The following EOGT variants were observed in gnomAD, a reference collection of about 807,000 sequenced individuals.
The protein encoded by EOGT is EGF domain specific O-linked N-acetylglucosamine transferase, also known as EGF domain-specific O-linked N-acetylglucosamine transferase.
In EOGT, 55 loss-of-function variants were observed where a neutral mutation model predicts 70.5. The observed-to-expected ratio is 0.78, with a 90% confidence interval of 0.63 to 0.98. EOGT has a LOEUF of 0.98. Among genes scored for constraint, EOGT ranks in the 50% least tolerant of loss-of-function variants. The pLI, the probability that EOGT is intolerant of heterozygous loss-of-function variation, is 0.00. For missense variants in EOGT, 703 were observed against 641.9 expected (o/e 1.10, Z -1.03); for synonymous variants, 246 against 217.1 (o/e 1.13, Z -1.17).
intron 16 of EOGT, among the ~76,000 whole-genome samples, chr3:68,978,975 G>A (rs968712601): frequency 5.3e-5 from 8 of 152,004 alleles, no homozygotes; most frequent in Admixed American, 6.5e-5. Flanking sequence ...TGTTTTGCAG[G>A]GCATTGGAAG....
chr3:68,981,472 A>C (rs1440103053), intron 15 of EOGT, among the ~76,000 whole-genome samples: 1 of 152,236 alleles, frequency 6.6e-6, no homozygotes, highest in Non-Finnish European at 1.5e-5. Flanking sequence ...TCACAGTGTT[A>C]GATTTGGGAA....
Position 68,979,768 on chromosome 3 carries a change from G to C in EOGT, c.1234C>G (p.Gln412Glu). The change falls in exon 16 of 18, where the codon CAA (glutamine) becomes GAA (glutamate). Residue 412 changes from glutamine (Q) to glutamate (E), a missense_variant. Gln to Glu is a conservative substitution (Grantham distance 29). Transcript: ENST00000383701. ...TCCGTGTTGTGTGTGATCCTTAGTT[G>C]ATCTAAAAACCCAAGTTCTCTGTGA... ...YKYRELGFLD[Q>E]LRITHNTDIF... is the part of the protein sequence containing the mutation. The C allele has an allele frequency of 6.2e-7, 1 of 1,613,356 alleles. No homozygotes were observed. Among genetic ancestry groups the C allele is most frequent in the Non-Finnish European group, 8.5e-7 (1 of 1,179,522 alleles).
At chr3:69,007,649 C>T in intron 6 of EOGT, 64 bp downstream of exon 6, 2 of 1,156,000 alleles carry the variant, frequency 1.7e-6, no homozygotes, top group East Asian at 5.4e-5. Flanking sequence ...GAAACTCCGT[C>T]TCAAAAATAA....
intron 9 of EOGT, among the ~76,000 whole-genome samples, chr3:69,000,620 G>C (rs2221564): frequency 0.44 from 66,280 of 151,878 alleles, 15,338 homozygotes; most frequent in Non-Finnish European, 0.53. Flanking sequence ...TGTGACAGAG[G>C]CTCTCTATAT....
intron 1 of EOGT, 28 bp downstream of exon 1, chr3:69,013,546 G>A (rs2091634426): frequency 6.5e-6 from 1 of 154,104 alleles, no homozygotes; most frequent in Admixed American, 6.5e-5. Flanking sequence ...AGCGGGGGAA[G>A]GCTCCGCAGA....
chr3:68,997,980 G>T, intron 10 of EOGT, 31 bp downstream of exon 10: 1 of 1,233,728 alleles, frequency 8.1e-7, no homozygotes, highest in Non-Finnish European at 1.2e-6. Context: ...GGGAAAGACA[G>T]TACTGAAGCG....
chr3:68,977,136 G>A lies in EOGT; in HGVS notation c.*482C>T, dbSNP rs576002132. 6.2e-6 allele frequency: 1 copy of A among 160,616 alleles called. No homozygotes were observed. The highest frequency in any genetic ancestry group is 1.3e-5 in the Non-Finnish European group (1 of 74,202). 9.9% of individuals were successfully genotyped at this position (160,616 alleles called of 1,614,324 possible). ...GATCATGCCACTGCACTCCAGCCTG[G>A]GTGACAGAGTGAAACTGTATCTCAA... On this transcript the variant is annotated 3_prime_UTR_variant, in exon 18 of 18. Coordinates refer to ENST00000383701, the MANE Select transcript of EOGT (RefSeq NM_001278689.2).
At chr3:68,987,980 T>C (rs749673741) in intron 13 of EOGT, 17 of 390,176 alleles carry the variant, frequency 4.4e-5, no homozygotes, top group Non-Finnish European at 6.9e-5. Context: ...AGTGACATGA[T>C]CTTGGCTCAC....
chr3:69,001,512 C>A (rs2091291987), intron 9 of EOGT, 96 bp downstream of exon 9: 4 of 765,400 alleles, frequency 5.2e-6, no homozygotes, highest in Non-Finnish European at 8.3e-6. Context: ...GTTTGTCATA[C>A]TGCTTCCAAA....
rs1157392438 is a variant in EOGT at position 69,009,880 on chromosome 3, C to CA, written c.-14-21dup. 10 of 1,377,756 alleles carry CA rather than the reference C, an allele frequency of 7.3e-6. No homozygotes were observed. The African/African-American group carries it at 1.4e-4, about 19-fold the overall frequency. The allele number at this position is 1,377,756 out of a possible 1,614,324, so 85.3% of individuals were successfully genotyped here. On this transcript the variant is annotated intron_variant, in intron 3 of 17. Transcript: ENST00000383701. ...GCAAACCTAGAGATCAAAATGAAGA[C>CA]AACTTTGTTAACAAATTTCCTTTAA...
chr3:68,996,105 T>C (rs1437661462), intron 10 of EOGT, among the ~76,000 whole-genome samples: 1 of 152,190 alleles, frequency 6.6e-6, no homozygotes, highest in African/African-American at 2.4e-5. Flanking sequence ...GGGATTGTTG[T>C]TCCCTTTGCT....
At chr3:69,005,425 C>T (rs1407365839) in intron 6 of EOGT, among the ~76,000 whole-genome samples, 191 bp from the exon 7 acceptor site, 1 of 152,204 alleles carries the variant, frequency 6.6e-6, no homozygotes, top group Non-Finnish European at 1.5e-5. Context: ...GCCAAGCATA[C>T]TTTTGCCAGT....
chr3:68,980,951 C>T (rs546599302), intron 15 of EOGT, among the ~76,000 whole-genome samples: 4 of 152,302 alleles, frequency 2.6e-5, no homozygotes, highest in African/African-American at 9.6e-5. Flanking sequence ...AATGATACAG[C>T]CTCAGAGGTG....
Position 68,998,005 on chromosome 3 carries a change from A to T in EOGT, c.831+6T>A, listed in dbSNP as rs1214581942. 1.4e-6 allele frequency: 2 copies of T among 1,479,354 alleles called. No individual in the cohort carries two copies. The highest frequency in any genetic ancestry group is 1.2e-5 in the South Asian group (1 of 81,452). 91.6% of individuals were successfully genotyped at this position (1,479,354 alleles called of 1,614,324 possible). Reference sequence around the variant, plus strand: ...GTACTGAAGCGGAGAGCACATTCTTACTTACGGTGTCCCACATCACGATGT... The same window carrying T: ...GTACTGAAGCGGAGAGCACATTCTTTCTTACGGTGTCCCACATCACGATGT... On this transcript the variant is annotated splice_donor_region_variant and intron_variant, in intron 10 of 17. Coordinates refer to ENST00000383701, the MANE Select transcript of EOGT (RefSeq NM_001278689.2).
Position 68,978,339 on chromosome 3 carries a change from C to G in EOGT, c.1431G>C (p.Gln477His). 9 of 1,611,420 alleles carry G rather than the reference C, an allele frequency of 5.6e-6. No individual in the cohort carries two copies. The highest frequency in any genetic ancestry group is 7.6e-6 in the Non-Finnish European group (9 of 1,178,868). The change falls in exon 17 of 18, where the codon CAG (glutamine) becomes CAC (histidine). Residue 477 changes from glutamine (Q) to histidine (H), a missense_variant. Gln to His is a conservative substitution (Grantham distance 24, BLOSUM62 0). Transcript: ENST00000383701. The stretch of plus-strand genomic sequence containing the variant: ...TTTTGTGATTGAACTTTACCTTATC[C>G]TGAGGAAAGACTTTGTTCTGCCGTC... ...TWRRQNKVFP[Q>H]DKGHHPTLGE...
intron 3 of EOGT, 92 bp from the exon 4 acceptor site, chr3:69,009,952 A>C: frequency 8.3e-6 from 6 of 720,118 alleles, no homozygotes; most frequent in East Asian, 2.7e-5. Context: ...AAAAAAAACA[A>C]AGGGTCAAGG....
intron 13 of EOGT, 52 bp downstream of exon 13, chr3:68,988,243 T>C: frequency 8.0e-7 from 1 of 1,246,232 alleles, no homozygotes; most frequent in Non-Finnish European, 1.1e-6. Flanking sequence ...TATCGATTTT[T>C]ATTAGGGAAG....
At chr3:68,997,921 T>A in intron 10 of EOGT, 90 bp downstream of exon 10, 1 of 751,620 alleles carries the variant, frequency 1.3e-6, no homozygotes. Context: ...GAAATATATG[T>A]GTCTTTGAAA....
In EOGT at chr3:69,009,770, G is replaced by C; in HGVS notation, c.77C>G (p.Thr26Ser). 6.2e-7 allele frequency: 1 copy of C among 1,614,012 alleles called. No homozygotes were observed. Among genetic ancestry groups the C allele is most frequent in the Non-Finnish European group, 8.5e-7 (1 of 1,179,948 alleles). The change falls in exon 4 of 18, where the codon ACT (threonine) becomes AGT (serine). Residue 26 changes from threonine (T) to serine (S), a missense_variant. Physicochemically the swap from Thr to Ser is moderately conservative, Grantham distance 58. Transcript: ENST00000383701. ...CAGAGGTTCGCCTGGAATGCTGTGA[G>C]TATTAGGAGGAGCTTCATTCTGACC... is the stretch of plus-strand genomic sequence containing the variant. ...LSGQNEAPPNTHSIPGEPLYN... is the reference protein window; with the variant it reads ...LSGQNEAPPNSHSIPGEPLYN...
Sources: allele counts gnomAD v4.1 joint callset (sites outside exome capture counted in the v4.1 genomes callset), GRCh38; gene constraint gnomAD v4.1.1; transcripts MANE v1.5; gene names NCBI Gene and HGNC (gene_info 2026-07-23, HGNC 2026-07-21).